Variants in SNX15 observed in about 807,000 individuals in gnomAD.
SNX15 encodes the protein sorting nexin 15.
A neutral mutation model predicts 35.2 loss-of-function variants in SNX15; 29 were observed. The observed-to-expected ratio is 0.82, with a 90% confidence interval of 0.61 to 1.12. The LOEUF (loss-of-function observed/expected upper bound fraction) is 1.12, where lower values mean the gene tolerates loss of function less well. Ranked by LOEUF, SNX15 falls within the 50% of genes most tolerant of loss-of-function variation. The pLI is 0.00. For synonymous variants in SNX15, 189 were observed against 188.2 expected, an observed-to-expected ratio of 1.00 and a Z score of -0.03; for missense variants, 400 against 451.5, an observed-to-expected ratio of 0.89 and a Z score of 1.03.
At chr11:65,032,384 T>C (rs753187789) in intron 2 of SNX15, 47 bp from the exon 3 acceptor site, 1 of 1,613,448 alleles carries the variant, frequency 6.2e-7, no homozygotes, top group South Asian at 1.1e-5. Flanking sequence ...TGGGGGCGGC[T>C]GCCTCCCACC....
rs769841505 is a variant in SNX15 at position 65,035,068 on chromosome 11, G to A, written c.382G>A (p.Val128Met). The A allele has an allele frequency of 3.7e-6, 6 of 1,613,408 alleles. 1 individual carries two copies. The highest frequency in any genetic ancestry group is 2.2e-5 in the South Asian group (2 of 91,046). Residue 128 changes from valine to methionine, a missense_variant, in exon 5 of 8, where the codon GTG (valine) becomes ATG (methionine). Transcript: ENST00000377244. ...TCTTTCTGTCCTGCAGGGTGGGGAG[G>A]TGACCCGACCCTTGGAGGTGTCCAG... ...QLKEFFRGGE[V>M]TRPLEVSRDL...
At chr11:65,038,946 C>A in intron 7 of SNX15, 117 bp downstream of exon 7, 1 of 726,178 alleles carries the variant, frequency 1.4e-6, no homozygotes, top group Non-Finnish European at 2.0e-6. Flanking sequence ...CACTGACCAG[C>A]TGTGTAACCT....
At chr11:65,028,436 C>T (rs766499496) in intron 1 of SNX15, among the ~76,000 whole-genome samples, 4 of 152,194 alleles carry the variant, frequency 2.6e-5, no homozygotes, top group Non-Finnish European at 5.9e-5. Context: ...AAAGCAGGCA[C>T]ATAAGGACAC....
chr11:65,027,878 A>G (rs1376682577), intron 1 of SNX15, among the ~76,000 whole-genome samples: 1 of 152,204 alleles, frequency 6.6e-6, no homozygotes, highest in Non-Finnish European at 1.5e-5. Flanking sequence ...CAAGGCGTGT[A>G]TGCCCACGCC....
At chr11:65,036,889 G>T (rs1237988663) in intron 6 of SNX15, 16 of 152,208 alleles carry the variant, frequency 1.1e-4, no homozygotes, top group Non-Finnish European at 2.4e-4. Flanking sequence ...GGTCAGGCTG[G>T]TCTCAAACTC....
chr11:65,032,369 A>G (rs533164), intron 2 of SNX15, 62 bp from the exon 3 acceptor site: 155,076 of 1,611,532 alleles, frequency 0.096, 9,414 homozygotes, highest in African/African-American at 0.23. Context: ...GGGGCAGGCT[A>G]GGCATGGGGG....
At chr11:65,028,369 T>G (rs1277731358) in intron 1 of SNX15, among the ~76,000 whole-genome samples, 1 of 152,184 alleles carries the variant, frequency 6.6e-6, no homozygotes, top group Non-Finnish European at 1.5e-5. Context: ...TTTTTTGTAC[T>G]TTTAGAATTT....
intron 1 of SNX15, among the ~76,000 whole-genome samples, chr11:65,030,453 A>G (rs1313308656): frequency 1.3e-5 from 2 of 150,394 alleles, no homozygotes; most frequent in East Asian, 3.9e-4. Flanking sequence ...TTGGCCTTCC[A>G]AAGTGTTAGG....
chr11:65,030,362 AT>A (rs1297327887), intron 1 of SNX15, among the ~76,000 whole-genome samples: 18 of 146,318 alleles, frequency 1.2e-4, no homozygotes, highest in African/African-American at 2.5e-4. Flanking sequence ...TCAAAAAAAA[AT>A]TTTTTTTTTT....
Position 65,035,049 on chromosome 11 carries a change from T to C in SNX15, c.373-10T>C. On this transcript the variant is annotated splice_polypyrimidine_tract_variant and intron_variant, in intron 4 of 7. Transcript: ENST00000377244. ...CATGACTCCCCATGTCTGATCTTTC[T>C]GTCCTGCAGGGTGGGGAGGTGACCC... The C allele has an allele frequency of 6.2e-7, 1 of 1,613,772 alleles. No homozygotes were observed. The highest frequency in any genetic ancestry group is 8.5e-7 in the Non-Finnish European group (1 of 1,179,918).
In SNX15 at chr11:65,039,029, C is replaced by CTTTT. The variant is rs747153458; in HGVS notation, c.922+216_922+219dup. ...TTGTGGCCTCAGTTTTCTTCTTCCT[C>CTTTT]TTTTTTTTTTTTTTTTTTTGAGACA... On this transcript the variant is annotated intron_variant, in intron 7 of 7. Coordinates refer to ENST00000377244, the MANE Select transcript of SNX15 (RefSeq NM_013306.5). Among the ~76,000 whole-genome samples, 48 of 72,494 alleles carry CTTTT rather than the reference C, an allele frequency of 6.6e-4. 5 individuals are homozygous for CTTTT. Among genetic ancestry groups the CTTTT allele is most frequent in the Non-Finnish European group, 8.4e-4 (27 of 32,232 alleles). 47.6% of individuals were successfully genotyped at this position (72,494 alleles called of 152,430 possible). A position where few individuals can be genotyped will look rare whatever the true frequency, so the allele number is the denominator to read the frequency against.
At position 65,027,650 on chromosome 11, in the gene SNX15, C is replaced by T. The variant is rs1353617940; in HGVS notation, c.99+14C>T. 1.9e-6 allele frequency: 3 copies of T among 1,600,276 alleles called. No individual in the cohort carries two copies. The African/African-American group carries it at 4.0e-5, about 21-fold the overall frequency. ...GTAACCGCGCAGGTGAGGTGGGGCC[C>T]AGCGCGTACTTTACCCTTTTAACTA... On this transcript the variant is annotated intron_variant, in intron 1 of 7. Transcript: ENST00000377244.
intron 7 of SNX15, 124 bp downstream of exon 7, chr11:65,038,953 A>G: frequency 3.0e-6 from 2 of 663,072 alleles, no homozygotes; most frequent in Non-Finnish European, 4.4e-6. Context: ...CAGCTGTGTA[A>G]CCTGGGCAGA....
intron 5 of SNX15, 53 bp downstream of exon 5, chr11:65,035,259 G>C: frequency 2.0e-6 from 3 of 1,474,052 alleles, no homozygotes; most frequent in Non-Finnish European, 2.7e-6. Context: ...GAGTGGGGAG[G>C]GCGGCCACAC....
chr11:65,037,844 C>T (rs1188016566), intron 6 of SNX15: 1 of 152,224 alleles, frequency 6.6e-6, no homozygotes, highest in Non-Finnish European at 1.5e-5. Flanking sequence ...GAGGCCCGGA[C>T]TTCTCAGGGC....
chr11:65,038,738 C>T lies in SNX15; in HGVS notation c.831C>T (p.Thr277=), dbSNP rs1212048987. 2 of 1,603,436 alleles carry T rather than the reference C, an allele frequency of 1.2e-6. No homozygotes were observed. The highest frequency in any genetic ancestry group is 1.7e-6 in the Non-Finnish European group (2 of 1,175,542). The change falls in exon 7 of 8, where the codon ACC becomes ACT. Residue 277 remains threonine, a synonymous_variant. Transcript: ENST00000377244. ...AYLSQATELI[T]QALRDEKAGA... is the part of the protein sequence containing the mutation. ...TAAGCCAGGCCACAGAGCTCATCAC[C>T]CAGGCCCTGCGGGATGAGAAGGCAG...
At chr11:65,029,111 A>C (rs1946409477) in intron 1 of SNX15, among the ~76,000 whole-genome samples, 1 of 151,774 alleles carries the variant, frequency 6.6e-6, no homozygotes, top group South Asian at 2.1e-4. Context: ...ATAAATAAAT[A>C]AATAAATAAA....
At chr11:65,029,920 T>C (rs1466963770) in intron 1 of SNX15, among the ~76,000 whole-genome samples, 1 of 152,106 alleles carries the variant, frequency 6.6e-6, no homozygotes, top group African/African-American at 2.4e-5. Context: ...GGGGTCTTGC[T>C]CTGTCACCCA....
At chr11:65,039,483 A>G (rs936900349) in intron 7 of SNX15, among the ~76,000 whole-genome samples, 1 of 152,048 alleles carries the variant, frequency 6.6e-6, no homozygotes, top group African/African-American at 2.4e-5. Context: ...CGGCCTCCCA[A>G]AGTGCTGGGA....
Sources: allele counts gnomAD v4.1 joint callset (sites outside exome capture counted in the v4.1 genomes callset), GRCh38; gene constraint gnomAD v4.1.1; transcripts MANE v1.5; gene names NCBI Gene and HGNC (gene_info 2026-07-23, HGNC 2026-07-21).